Variants in ACOXL observed in about 807,000 individuals in gnomAD.
The protein encoded by ACOXL is acyl-CoA oxidase like, also known as acyl-coenzyme A oxidase-like protein.
ACOXL carries 70 observed loss-of-function variants against 71.9 expected under a neutral mutation model. The observed-to-expected ratio is 0.97, with a 90% CI of 0.80 to 1.19. The LOEUF is 1.19. ACOXL is among the 50% of genes most tolerant of loss of function. ACOXL has a pLI of 0.00. For synonymous variants in ACOXL, 253 were observed against 281.6 expected (o/e 0.90, Z 1.02); for missense variants, 703 against 736.3 (o/e 0.95, Z 0.52).
At chr2:110,886,767 G>C (rs1308195757) in intron 10 of ACOXL, 1 of 1,550,780 alleles carries the variant, frequency 6.4e-7, no homozygotes, top group Admixed American at 2.0e-5. Flanking sequence ...TCACTTTTCT[G>C]TCCCTTTTTC....
At chr2:111,085,755 A>G (rs2068175060) in intron 16 of ACOXL, among the ~76,000 whole-genome samples, 1 of 152,176 alleles carries the variant, frequency 6.6e-6, no homozygotes, top group Non-Finnish European at 1.5e-5. Context: ...AGATTGAGAC[A>G]TAAAAAAATA....
Position 110,852,179 on chromosome 2 carries a change from CTG to C in ACOXL, c.788+10776_788+10777del. 2.0e-5 allele frequency among the ~76,000 whole-genome samples: 3 copies of C among 152,284 alleles called. No homozygotes were observed. The East Asian group carries it at 5.8e-4, about 29-fold the overall frequency. On this transcript the variant is annotated intron_variant, in intron 10 of 17. Transcript: ENST00000439055. ...CAGGGCTAGAGCCCATTGCTGACTTCTGTATATTCCCTTGACTGGCACCGTGT... is the reference window on the plus strand; with the variant it reads ...CAGGGCTAGAGCCCATTGCTGACTTCTATATTCCCTTGACTGGCACCGTGT...
chr2:110,933,347 G>C (rs1046246486), intron 11 of ACOXL, 142 bp from the exon 12 acceptor site: 2 of 1,015,608 alleles, frequency 2.0e-6, no homozygotes, highest in African/African-American at 3.2e-5. Context: ...ATTTTTTAGT[G>C]ACTATCTACA....
chr2:111,059,104 G>T (rs763868293), intron 16 of ACOXL, among the ~76,000 whole-genome samples: 20 of 152,180 alleles, frequency 1.3e-4, no homozygotes, highest in Non-Finnish European at 2.6e-4. Context: ...AGGCAAGGTG[G>T]TACATGCCTG....
intron 11 of ACOXL, among the ~76,000 whole-genome samples, chr2:110,933,279 T>C (rs191181575): frequency 6.6e-6 from 1 of 152,370 alleles, no homozygotes; most frequent in Admixed American, 6.5e-5. Context: ...TTGTGTTTCA[T>C]TGACTAATTA....
chr2:110,741,120 A>G (rs1325047183), intron 1 of ACOXL, among the ~76,000 whole-genome samples: 2 of 152,212 alleles, frequency 1.3e-5, no homozygotes, highest in African/African-American at 4.8e-5. Context: ...AAAGCCAAGA[A>G]TAGGACCTCT....
chr2:110,805,200 G>A (rs1686480424), intron 8 of ACOXL, 63 bp from the exon 9 acceptor site: 3 of 1,599,122 alleles, frequency 1.9e-6, no homozygotes, highest in Non-Finnish European at 2.6e-6. Context: ...GGAGCCACCT[G>A]ACTTCGTTTC....
intron 8 of ACOXL, among the ~76,000 whole-genome samples, chr2:110,802,096 T>G (rs1314488285): frequency 6.6e-6 from 1 of 152,248 alleles, no homozygotes; most frequent in African/African-American, 2.4e-5. Flanking sequence ...AATGTTTTTA[T>G]GTAATGCTAA....
At chr2:111,096,399 C>A (rs549121791) in intron 17 of ACOXL, among the ~76,000 whole-genome samples, 2 of 151,894 alleles carry the variant, frequency 1.3e-5, no homozygotes, top group South Asian at 4.2e-4. Context: ...CGTGCCACCA[C>A]GCCTAGCTAA....
At chr2:110,919,169 A>G (rs947314161) in intron 11 of ACOXL, among the ~76,000 whole-genome samples, 1 of 152,220 alleles carries the variant, frequency 6.6e-6, no homozygotes, top group African/African-American at 2.4e-5. Context: ...ATGCCCATCA[A>G]TGATAGACTA....
intron 10 of ACOXL, among the ~76,000 whole-genome samples, chr2:110,890,568 A>G (rs1023283082): frequency 6.6e-6 from 1 of 152,184 alleles, no homozygotes; most frequent in Non-Finnish European, 1.5e-5. Flanking sequence ...TGAAAAGACT[A>G]TTCTTTCACC....
intron 1 of ACOXL, among the ~76,000 whole-genome samples, chr2:110,767,905 G>A (rs1325844354): frequency 1.3e-5 from 2 of 148,660 alleles, no homozygotes; most frequent in East Asian, 2.0e-4. Context: ...CCAATATGGC[G>A]AAACCCTGTC....
At chr2:111,088,907 C>T (rs2068367212) in intron 16 of ACOXL, among the ~76,000 whole-genome samples, 1 of 152,162 alleles carries the variant, frequency 6.6e-6, no homozygotes, top group Non-Finnish European at 1.5e-5. Context: ...AAGGGACCAT[C>T]ACTAGAAGGC....
intron 9 of ACOXL, among the ~76,000 whole-genome samples, chr2:110,821,426 C>T (rs1245928694): frequency 6.6e-6 from 1 of 152,122 alleles, no homozygotes; most frequent in Non-Finnish European, 1.5e-5. Context: ...TGCAGCGGGG[C>T]CCAGAGCTGC....
At chr2:110,764,788 T>G (rs1680840623) in intron 1 of ACOXL, among the ~76,000 whole-genome samples, 1 of 152,190 alleles carries the variant, frequency 6.6e-6, no homozygotes, top group East Asian at 1.9e-4. Flanking sequence ...TTAATCAATT[T>G]TGCAGTGGGC....
At chr2:110,855,309 C>A (rs1338603462) in intron 10 of ACOXL, among the ~76,000 whole-genome samples, 1 of 152,142 alleles carries the variant, frequency 6.6e-6, no homozygotes, top group Non-Finnish European at 1.5e-5. Context: ...ACTGTCATAG[C>A]CCCTAAAATG....
chr2:111,111,920 G>A (rs2069994383), intron 17 of ACOXL, among the ~76,000 whole-genome samples: 1 of 152,150 alleles, frequency 6.6e-6, no homozygotes, highest in Admixed American at 6.5e-5. Context: ...CTACCAAAGT[G>A]GACATTGTCA....
At chr2:110,751,694 C>T (rs766894292) in intron 1 of ACOXL, among the ~76,000 whole-genome samples, 2 of 152,170 alleles carry the variant, frequency 1.3e-5, no homozygotes, top group Non-Finnish European at 2.9e-5. Flanking sequence ...ACATTATCAT[C>T]GCCCCAAAAA....
intron 10 of ACOXL, among the ~76,000 whole-genome samples, chr2:110,882,394 A>G (rs1052561370): frequency 1.5e-4 from 23 of 152,308 alleles, no homozygotes; most frequent in African/African-American, 5.5e-4. Flanking sequence ...CCTTTTGCAA[A>G]TATTTTCTGC....
Sources: gnomAD v4.1 joint callset for allele counts (sites outside exome capture counted in the v4.1 genomes callset) on GRCh38, gnomAD v4.1.1 for gene constraint, MANE v1.5 for transcripts, NCBI Gene and HGNC (gene_info 2026-07-23, HGNC 2026-07-21) for gene names.